UBE2D3: variants seen among roughly 807,000 people sequenced by gnomAD.
UBE2D3 encodes ubiquitin conjugating enzyme E2 D3, also known as ubiquitin-conjugating enzyme E2 D3.
UBE2D3 carries 2 observed loss-of-function variants against 22.8 expected under a neutral mutation model. The ratio of observed to expected loss-of-function variants is 0.09; its 90% confidence interval spans 0.04 to 0.28. The LOEUF is 0.28. UBE2D3 is among the 10% of genes least tolerant of loss of function. The pLI, the probability that UBE2D3 is intolerant of heterozygous loss-of-function variation, is 1.00. For synonymous variants in UBE2D3, 56 were observed against 60.4 expected, an observed-to-expected ratio of 0.93 and a Z score of 0.34; for missense variants, 27 against 182.5, an observed-to-expected ratio of 0.15 and a Z score of 4.91.
intron 1 of UBE2D3, among the ~76,000 whole-genome samples, chr4:102,855,315 AT>A (rs1186062183): frequency 3.9e-5 from 6 of 152,234 alleles, no homozygotes; most frequent in Non-Finnish European, 5.9e-5. Flanking sequence ...GAACCAAAAT[AT>A]CTAGACACCT....
chr4:102,802,176 TAC>T (rs1726258320), intron 5 of UBE2D3: 1 of 158,832 alleles, frequency 6.3e-6, no homozygotes, highest in East Asian at 1.8e-4. Flanking sequence ...TTCACAAATT[TAC>T]ACTTACGTAT....
intron 1 of UBE2D3, among the ~76,000 whole-genome samples, chr4:102,834,419 A>G (rs1280711498): frequency 3.9e-5 from 6 of 152,072 alleles, no homozygotes; most frequent in Non-Finnish European, 8.8e-5. Flanking sequence ...TCAGCCCCCA[A>G]TCCCTGCCTA....
Position 102,827,509 on chromosome 4 carries a change from C to G in UBE2D3, c.-211G>C. On this transcript the variant is annotated 5_prime_UTR_variant, in exon 1 of 8. Transcript: ENST00000453744. The stretch of plus-strand genomic sequence containing the variant: ...GGTGCCTCCCCGGCCCTACGGGGCT[C>G]ACGCGCACGACACAGCCACAAGATG... 1.0e-6 allele frequency: 1 copy of G among 986,170 alleles called. No homozygotes were observed. The highest frequency in any genetic ancestry group is 1.2e-6 in the Non-Finnish European group (1 of 830,126). The allele number at this position is 986,170 out of a possible 1,614,324, so 61.1% of individuals were successfully genotyped here. A position where few individuals can be genotyped will look rare whatever the true frequency, so the allele number is the denominator to read the frequency against.
chr4:102,840,286 C>G (rs942251256), intron 1 of UBE2D3, among the ~76,000 whole-genome samples: 2 of 152,214 alleles, frequency 1.3e-5, no homozygotes, highest in Non-Finnish European at 2.9e-5. Flanking sequence ...CAATGCAGCA[C>G]TATTCACAGT....
At chr4:102,813,319 TG>T (rs1236074558) in intron 2 of UBE2D3, among the ~76,000 whole-genome samples, 1 of 152,186 alleles carries the variant, frequency 6.6e-6, no homozygotes, top group East Asian at 1.9e-4. Flanking sequence ...CTTAAGCAGC[TG>T]GAGTTGCAGG....
At chr4:102,809,741 CA>C in intron 3 of UBE2D3, 38 bp from the exon 4 acceptor site, 1 of 1,613,112 alleles carries the variant, frequency 6.2e-7, no homozygotes, top group Non-Finnish European at 8.5e-7. Flanking sequence ...TCTAAAAATG[CA>C]CAAGCTTAAA....
chr4:102,820,560 T>G (rs974960986), intron 2 of UBE2D3, among the ~76,000 whole-genome samples: 1 of 152,178 alleles, frequency 6.6e-6, no homozygotes, highest in African/African-American at 2.4e-5. Flanking sequence ...TAAGAATGGA[T>G]TGAATATTAC....
intron 1 of UBE2D3, among the ~76,000 whole-genome samples, chr4:102,861,395 C>T (rs1490938877): frequency 6.6e-6 from 1 of 151,904 alleles, no homozygotes; most frequent in Non-Finnish European, 1.5e-5. Flanking sequence ...GTCAGGGTGC[C>T]TTTAATCTGA....
intron 4 of UBE2D3, among the ~76,000 whole-genome samples, chr4:102,807,133 T>A (rs577530588): frequency 6.6e-6 from 1 of 152,304 alleles, no homozygotes; most frequent in Admixed American, 6.5e-5. Context: ...GGGACCTAAG[T>A]AGTAGTCCAA....
At chr4:102,801,114 T>C (rs1203301563) in intron 6 of UBE2D3, among the ~76,000 whole-genome samples, 1 of 152,010 alleles carries the variant, frequency 6.6e-6, no homozygotes, top group Non-Finnish European at 1.5e-5. Flanking sequence ...AGGTATATCA[T>C]ACCATTCTTG....
intron 6 of UBE2D3, among the ~76,000 whole-genome samples, chr4:102,800,177 T>C (rs1271562098): frequency 1.3e-5 from 2 of 152,070 alleles, no homozygotes; most frequent in African/African-American, 2.4e-5. Flanking sequence ...TATATGGTGG[T>C]GCTGTTATAA....
intron 2 of UBE2D3, among the ~76,000 whole-genome samples, chr4:102,821,925 C>CA (rs1729686414): frequency 6.6e-6 from 1 of 152,100 alleles, no homozygotes; most frequent in African/African-American, 2.4e-5. Context: ...AAAAAGAATG[C>CA]AAAAACCAAC....
At chr4:102,848,809 A>G (rs1402690305) in intron 1 of UBE2D3, among the ~76,000 whole-genome samples, 1 of 151,670 alleles carries the variant, frequency 6.6e-6, no homozygotes, top group African/African-American at 2.4e-5. Flanking sequence ...ATAGAGTGAG[A>G]CCTTGTCTCA....
In UBE2D3 at chr4:102,794,673, C is replaced by CA. The variant is rs982291626; in HGVS notation, c.*2741dup. 2.3e-3 allele frequency: 332 copies of CA among 145,364 alleles called. No homozygotes were observed. Among genetic ancestry groups the CA allele is most frequent in the Middle Eastern group, 0.018 (5 of 280 alleles). The allele number at this position is 145,364 out of a possible 1,614,324, so 9.0% of individuals were successfully genotyped here. A position where few individuals can be genotyped will look rare whatever the true frequency, so the allele number is the denominator to read the frequency against. ...ATTTCAACAAACAAAAAAAAACAAA[C>CA]AAAAAAAAAAGTGAGTGTTTCACTA... On this transcript the variant is annotated 3_prime_UTR_variant, in exon 8 of 8. Transcript: ENST00000453744.
At chr4:102,868,808 T>C in exon 1 of UBE2D3, 6 of 1,611,466 alleles carry the variant, frequency 3.7e-6, no homozygotes, top group Non-Finnish European at 5.1e-6. Flanking sequence ...CTACAGACGT[T>C]AAAGGCCCAA....
At chr4:102,826,674 C>T (rs998734493) in intron 1 of UBE2D3, 38 bp from the exon 2 acceptor site, 3 of 1,506,656 alleles carry the variant, frequency 2.0e-6, no homozygotes, top group Non-Finnish European at 1.8e-6. Context: ...CTCGCACAGG[C>T]CCCGAAGAGC....
At chr4:102,807,738 C>T (rs1727291097) in intron 4 of UBE2D3, among the ~76,000 whole-genome samples, 1 of 152,124 alleles carries the variant, frequency 6.6e-6, no homozygotes, top group Admixed American at 6.5e-5. Context: ...AAGTAAACTG[C>T]TAAAAAATCT....
intron 1 of UBE2D3, among the ~76,000 whole-genome samples, chr4:102,861,754 A>C (rs570583799): frequency 3.9e-4 from 59 of 152,224 alleles, no homozygotes; most frequent in African/African-American, 1.4e-3. Flanking sequence ...AATTATGCAC[A>C]TATGCATATA....
At chr4:102,829,930 A>T (rs1261608031), upstream of UBE2D3, among the ~76,000 whole-genome samples, 1 of 152,136 alleles carries the variant, frequency 6.6e-6, no homozygotes, top group Non-Finnish European at 1.5e-5. Flanking sequence ...AAAAAAAAAC[A>T]AGAACAAAAA....
Sources: allele counts gnomAD v4.1 joint callset (sites outside exome capture counted in the v4.1 genomes callset), GRCh38; gene constraint gnomAD v4.1.1; transcripts MANE v1.5; gene names NCBI Gene and HGNC (gene_info 2026-07-23, HGNC 2026-07-21).